Variants in RIMS1 observed in about 807,000 individuals in gnomAD.
The protein encoded by RIMS1 is regulating synaptic membrane exocytosis 1.
Under a neutral mutation model 214.1 loss-of-function variants are expected in RIMS1, and 83 were observed. The observed-to-expected ratio is 0.39, with a 90% CI of 0.32 to 0.47. RIMS1 has a LOEUF of 0.47. Ranked by LOEUF, RIMS1 falls within the 20% of genes least tolerant of loss-of-function variation. The pLI, the probability that RIMS1 is intolerant of heterozygous loss-of-function variation, is 0.99. For missense variants in RIMS1, 2,050 were observed against 2,161.8 expected, an observed-to-expected ratio of 0.95 and a Z score of 1.03; for synonymous variants, 793 against 786.8, an observed-to-expected ratio of 1.01 and a Z score of -0.13.
At chr6:72,319,972 G>A (rs1405279843) in intron 28 of RIMS1, among the ~76,000 whole-genome samples, 2 of 152,108 alleles carry the variant, frequency 1.3e-5, no homozygotes, top group Non-Finnish European at 2.9e-5. Context: ...TACATGGTAT[G>A]AAGTATTAGA....
chr6:72,164,260 A>T (rs1243224510), intron 4 of RIMS1, among the ~76,000 whole-genome samples: 1 of 152,032 alleles, frequency 6.6e-6, no homozygotes, highest in Non-Finnish European at 1.5e-5. Context: ...TTAGGGTGGG[A>T]GTGACCCGAT....
At chr6:71,911,412 T>G (rs901707915) in intron 1 of RIMS1, among the ~76,000 whole-genome samples, 9 of 152,108 alleles carry the variant, frequency 5.9e-5, no homozygotes, top group Non-Finnish European at 1.3e-4. Flanking sequence ...TAAAACAATT[T>G]TCTTATCTAT....
intron 6 of RIMS1, chr6:72,213,234 A>C: frequency 6.5e-7 from 1 of 1,532,794 alleles, no homozygotes. Context: ...TAAGCAATAG[A>C]TAATGGTAAT....
At chr6:72,310,661 C>T (rs1196506712) in intron 27 of RIMS1, among the ~76,000 whole-genome samples, 5 of 151,894 alleles carry the variant, frequency 3.3e-5, no homozygotes, top group African/African-American at 7.2e-5. Context: ...TCTGTAGGAT[C>T]GGTAGAAATT....
At chr6:72,324,417 G>A (rs1235193894) in intron 28 of RIMS1, among the ~76,000 whole-genome samples, 1 of 151,846 alleles carries the variant, frequency 6.6e-6, no homozygotes, top group Non-Finnish European at 1.5e-5. Flanking sequence ...GTCACTAATA[G>A]CATAATAGAA....
At chr6:72,010,231 CAT>C (rs1274210470) in intron 2 of RIMS1, among the ~76,000 whole-genome samples, 5 of 152,140 alleles carry the variant, frequency 3.3e-5, no homozygotes, top group Non-Finnish European at 7.3e-5. Flanking sequence ...AAAAAAAACA[CAT>C]GATTATCTCA....
intron 4 of RIMS1, among the ~76,000 whole-genome samples, chr6:72,166,947 T>A (rs563185455): frequency 8.9e-4 from 136 of 152,204 alleles, no homozygotes; most frequent in Non-Finnish European, 1.4e-3. Context: ...TTTGTTATGA[T>A]CTCTATTACA....
rs570438203 is a variant in RIMS1 at position 72,188,979 on chromosome 6, G to A, written c.1678+5830G>A. Among the ~76,000 whole-genome samples, 4 of 152,284 alleles carry A rather than the reference G, an allele frequency of 2.6e-5. No individual in the cohort carries two copies. In the East Asian group the frequency reaches 5.8e-4, roughly 22 times the overall value. On this transcript the variant is annotated intron_variant, in intron 6 of 33. Transcript: ENST00000521978. ...TGGCAATATTAACTTACAGTTTAAT[G>A]GAATCATTGTGTCTCCTGGTGACAG...
At chr6:72,101,851 A>G (rs2033660049) in intron 4 of RIMS1, among the ~76,000 whole-genome samples, 1 of 151,966 alleles carries the variant, frequency 6.6e-6, no homozygotes, top group Admixed American at 6.6e-5. Flanking sequence ...AGCCTAAATC[A>G]TATCTAATAA....
chr6:72,023,242 A>T (rs1369221472), intron 2 of RIMS1, among the ~76,000 whole-genome samples: 1 of 152,184 alleles, frequency 6.6e-6, no homozygotes, highest in Non-Finnish European at 1.5e-5. Context: ...TAAACGTTTG[A>T]TTTGATAGCT....
chr6:71,962,606 T>A (rs979371761), intron 1 of RIMS1, among the ~76,000 whole-genome samples: 1 of 152,170 alleles, frequency 6.6e-6, no homozygotes, highest in African/African-American at 2.4e-5. Context: ...ATCTTCATCT[T>A]ATGGATAACA....
At chr6:72,313,783 G>A (rs951482618) in intron 28 of RIMS1, 111 bp downstream of exon 28, 1 of 1,074,926 alleles carries the variant, frequency 9.3e-7, no homozygotes, top group African/African-American at 1.6e-5. Context: ...AGTGGGTTAA[G>A]TATTTATCGA....
At chr6:72,269,351 A>AAT (rs1454687364) in intron 22 of RIMS1, among the ~76,000 whole-genome samples, 1 of 152,066 alleles carries the variant, frequency 6.6e-6, no homozygotes, top group African/African-American at 2.4e-5. Flanking sequence ...CTGTCCTATA[A>AAT]AGATAGGTAT....
intron 28 of RIMS1, among the ~76,000 whole-genome samples, chr6:72,321,361 A>T (rs550768771): frequency 2.6e-5 from 4 of 152,080 alleles, no homozygotes; most frequent in African/African-American, 9.7e-5. Context: ...TTCACTGAGT[A>T]TGTATATCAG....
chr6:71,975,495 T>C (rs1049049547), intron 2 of RIMS1, among the ~76,000 whole-genome samples: 2 of 152,200 alleles, frequency 1.3e-5, no homozygotes, highest in African/African-American at 4.8e-5. Context: ...CAGGAGTAAA[T>C]TGAATCATGG....
chr6:72,153,483 A>T (rs929271147), intron 4 of RIMS1, among the ~76,000 whole-genome samples: 1 of 152,188 alleles, frequency 6.6e-6, no homozygotes, highest in Non-Finnish European at 1.5e-5. Context: ...ATTTTCTAGT[A>T]TAAAATAAAT....
Position 72,390,621 on chromosome 6 carries a change from A to G in RIMS1, c.4390A>G (p.Ser1464Gly). The G allele has an allele frequency of 6.2e-7, 1 of 1,613,734 alleles. No homozygotes were observed. Among genetic ancestry groups the G allele is most frequent in the Non-Finnish European group, 8.5e-7 (1 of 1,179,712 alleles). ...QTESGHKKLK[S>G]TIQRSTETGM... ...AGAGTCGGGCCACAAAAAGTTAAAA[A>G]GTACCATCCAGAGAAGCACAGAAAC... is the stretch of plus-strand genomic sequence containing the variant. Residue 1464 changes from serine to glycine, a missense_variant, in exon 30 of 34, where the codon AGT (serine) becomes GGT (glycine). By Grantham distance (56) the Ser-to-Gly change is moderately conservative. This residue lies in a region of RIMS1 where 889 missense variants were observed against 885.5 expected (regional missense o/e 1.00). Coordinates refer to ENST00000521978, the MANE Select transcript of RIMS1 (RefSeq NM_014989.7).
chr6:72,187,482 T>TTTG (rs2049320010), intron 6 of RIMS1, among the ~76,000 whole-genome samples: 1 of 147,124 alleles, frequency 6.8e-6, no homozygotes, highest in Non-Finnish European at 1.5e-5. Flanking sequence ...CCTTTTTGTT[T>TTTG]TTTTTTTTTT....
chr6:72,188,328 A>G (rs575029716), intron 6 of RIMS1, among the ~76,000 whole-genome samples: 16 of 152,218 alleles, frequency 1.1e-4, no homozygotes, highest in Admixed American at 2.6e-4. Context: ...AAAGACAATA[A>G]TAAGGTAATA....
Sources: gnomAD v4.1 joint callset for allele counts (sites outside exome capture counted in the v4.1 genomes callset) on GRCh38, gnomAD v4.1.1 for gene constraint, gnomAD v4.1.1 regional missense constraint, MANE v1.5 for transcripts, NCBI Gene and HGNC (gene_info 2026-07-23, HGNC 2026-07-21) for gene names.